AAK1: variants seen among roughly 807,000 people sequenced by gnomAD.
AAK1 encodes the protein AP2 associated kinase 1, also known as AP2-associated protein kinase 1.
AAK1 carries 37 observed loss-of-function variants against 116.0 expected under a neutral mutation model. That is an observed-to-expected ratio of 0.32 (90% confidence interval 0.25 to 0.42). AAK1 has a LOEUF of 0.42. AAK1 is among the 10% of genes least tolerant of loss of function. The pLI, the probability that AAK1 is intolerant of heterozygous loss-of-function variation, is 1.00. For missense variants in AAK1, 919 were observed against 1,170.6 expected, an observed-to-expected ratio of 0.79 and a Z score of 3.14; for synonymous variants, 458 against 439.9, an observed-to-expected ratio of 1.04 and a Z score of -0.51.
At chr2:69,484,558 C>T (rs1023415043) in intron 17 of AAK1, among the ~76,000 whole-genome samples, 3 of 152,070 alleles carry the variant, frequency 2.0e-5, no homozygotes, top group East Asian at 1.9e-4. Context: ...TTTGGGAGGC[C>T]GAGGTGGGTG....
At chr2:69,560,028 A>T (rs1248126472) in intron 2 of AAK1, among the ~76,000 whole-genome samples, 3 of 152,226 alleles carry the variant, frequency 2.0e-5, no homozygotes, top group Non-Finnish European at 4.4e-5. Context: ...ACCATGATAA[A>T]TCTAAAAGCA....
chr2:69,476,589 A>T (rs1165451798), intron 21 of AAK1, among the ~76,000 whole-genome samples: 1 of 152,206 alleles, frequency 6.6e-6, no homozygotes, highest in Non-Finnish European at 1.5e-5. Flanking sequence ...TGTGCTTTTG[A>T]TATATACCTT....
chr2:69,459,419 A>G lies in AAK1; in HGVS notation c.*16450T>C, dbSNP rs1308018844. On this transcript the variant is annotated 3_prime_UTR_variant, in exon 22 of 22. Transcript: ENST00000409085. ...GCTGGGACTACAGGTGTGCACCACC[A>G]TGCCTGGCTAATTTTTGTATTTTTT... 1 of 152,340 alleles carries G rather than the reference A, an allele frequency of 6.6e-6. No homozygotes were observed. The highest frequency in any genetic ancestry group is 1.5e-5 in the Non-Finnish European group (1 of 68,232). The allele number at this position is 152,340 out of a possible 1,614,324, so 9.4% of individuals were successfully genotyped here. A position where few individuals can be genotyped will look rare whatever the true frequency, so the allele number is the denominator to read the frequency against.
chr2:69,467,531 T>A lies in AAK1; in HGVS notation c.*8338A>T. On this transcript the variant is annotated 3_prime_UTR_variant, in exon 22 of 22. Transcript: ENST00000409085. ...AATCCAGAGAAAGGGTGGTTGGGGG[T>A]AAAGGTATCATTTCATCATGGGCTC... 4 of 985,280 alleles carry A rather than the reference T, an allele frequency of 4.1e-6. No homozygotes were observed. The highest frequency in any genetic ancestry group is 4.8e-6 in the Non-Finnish European group (4 of 829,880). 61.0% of individuals were successfully genotyped at this position (985,280 alleles called of 1,614,324 possible). A position where few individuals can be genotyped will look rare whatever the true frequency, so the allele number is the denominator to read the frequency against.
chr2:69,608,698 G>C lies in AAK1; in HGVS notation c.163+34180C>G, dbSNP rs568853805. ...TGTCAGAAGACAAAAATGAGGTAGA[G>C]ATTAATTTTAACACAGGACAGAGAA... On this transcript the variant is annotated intron_variant, in intron 2 of 21. Coordinates refer to ENST00000409085, the MANE Select transcript of AAK1 (RefSeq NM_014911.5). 2.0e-5 allele frequency among the ~76,000 whole-genome samples: 3 copies of C among 152,272 alleles called. No homozygotes were observed. In the East Asian group the frequency reaches 5.8e-4, roughly 29 times the overall value.
At chr2:69,625,083 T>A (rs1674835220) in intron 2 of AAK1, among the ~76,000 whole-genome samples, 1 of 152,212 alleles carries the variant, frequency 6.6e-6, no homozygotes, top group African/African-American at 2.4e-5. Flanking sequence ...TTATAGAATG[T>A]GAGACATAAA....
intron 2 of AAK1, among the ~76,000 whole-genome samples, chr2:69,561,887 T>C (rs953831222): frequency 6.6e-6 from 1 of 152,272 alleles, no homozygotes; most frequent in African/African-American, 2.4e-5. Context: ...ATAACATTTC[T>C]GAGATTCATC....
intron 5 of AAK1, among the ~76,000 whole-genome samples, chr2:69,539,500 C>G (rs1300157014): frequency 6.6e-6 from 1 of 152,218 alleles, no homozygotes; most frequent in Non-Finnish European, 1.5e-5. Flanking sequence ...CTATGCCTCT[C>G]ACACTCTTCT....
intron 2 of AAK1, among the ~76,000 whole-genome samples, chr2:69,607,015 G>A (rs10193159): frequency 0.12 from 16,644 of 133,438 alleles, 2,222 homozygotes; most frequent in African/African-American, 0.33. Context: ...GCAGTGAGCC[G>A]AGATCACACA....
intron 2 of AAK1, among the ~76,000 whole-genome samples, chr2:69,579,345 C>T (rs542689563): frequency 1.3e-5 from 2 of 152,140 alleles, no homozygotes; most frequent in East Asian, 1.9e-4. Context: ...TTTGGGAGGC[C>T]GAGGTGGGAG....
At position 69,608,184 on chromosome 2, in the gene AAK1, CT is replaced by C. The variant is rs551930784; in HGVS notation, c.163+34693del. On this transcript the variant is annotated intron_variant, in intron 2 of 21. Coordinates refer to ENST00000409085, the MANE Select transcript of AAK1 (RefSeq NM_014911.5). ...AGCACCTGCAGGACACAAAAGAAGG[CT>C]AGGGCAGCAGGCACAGAACTCCTAC... 2.5e-3 allele frequency among the ~76,000 whole-genome samples: 377 copies of C among 152,270 alleles called. 2 individuals carry two copies. The highest frequency in any genetic ancestry group is 8.4e-3 in the African/African-American group (348 of 41,556).
At chr2:69,641,843 G>A (rs1417135562) in intron 2 of AAK1, among the ~76,000 whole-genome samples, 3 of 152,130 alleles carry the variant, frequency 2.0e-5, no homozygotes. Flanking sequence ...CAGTAAGAGA[G>A]ACCTCTCCCT....
intron 3 of AAK1, among the ~76,000 whole-genome samples, chr2:69,552,178 A>G (rs1384916492): frequency 6.6e-6 from 1 of 152,198 alleles, no homozygotes; most frequent in Non-Finnish European, 1.5e-5. Flanking sequence ...AATTCAGTCC[A>G]TTTTAAAACT....
chr2:69,522,770 C>T (rs1382608784), intron 10 of AAK1, among the ~76,000 whole-genome samples: 1 of 150,924 alleles, frequency 6.6e-6, no homozygotes, highest in Non-Finnish European at 1.5e-5. Context: ...CGCCACTGCA[C>T]TCCACCCTGG....
At chr2:69,491,892 T>C (rs1675536486) in intron 17 of AAK1, among the ~76,000 whole-genome samples, 1 of 152,212 alleles carries the variant, frequency 6.6e-6, no homozygotes, top group South Asian at 2.1e-4. Context: ...TTCAGATCTA[T>C]TTTTATATTT....
At chr2:69,509,541 C>T (rs992515770) in intron 13 of AAK1, 81 bp from the exon 14 acceptor site, 1 of 1,244,382 alleles carries the variant, frequency 8.0e-7, no homozygotes, top group Admixed American at 2.7e-5. Flanking sequence ...AGTGTAACAA[C>T]AACAACAAAA....
At chr2:69,579,166 T>G (rs1447557674) in intron 2 of AAK1, among the ~76,000 whole-genome samples, 7 of 152,176 alleles carry the variant, frequency 4.6e-5, no homozygotes, top group Non-Finnish European at 8.8e-5. Context: ...AAACCTCTTA[T>G]GAAGTAGATT....
rs1227689179 is a variant in AAK1 at position 69,466,738 on chromosome 2, G to A, written c.*9131C>T. ...ACAAACTGGAACACAATCAACCACT[G>A]TCTCACGTTTTGGAACATGATAGGC... On this transcript the variant is annotated 3_prime_UTR_variant, in exon 22 of 22. Coordinates refer to ENST00000409085, the MANE Select transcript of AAK1 (RefSeq NM_014911.5). 2.0e-6 allele frequency: 2 copies of A among 985,280 alleles called. No individual in the cohort carries two copies. Among genetic ancestry groups the A allele is most frequent in the African/African-American group, 3.5e-5 (2 of 57,224 alleles). 61.0% of individuals were successfully genotyped at this position (985,280 alleles called of 1,614,324 possible). A position where few individuals can be genotyped will look rare whatever the true frequency, so the allele number is the denominator to read the frequency against.
In AAK1 at chr2:69,468,596, A is replaced by C; in HGVS notation, c.*7273T>G. Reference sequence around the variant, plus strand: ...CCAGTGACCAACTCTGGCATCATACAGGTCAATAATCCAATGAACACTAGT... The same window carrying C: ...CCAGTGACCAACTCTGGCATCATACCGGTCAATAATCCAATGAACACTAGT... On this transcript the variant is annotated 3_prime_UTR_variant, in exon 22 of 22. Transcript: ENST00000409085. 1.0e-6 allele frequency: 1 copy of C among 985,456 alleles called. No individual in the cohort carries two copies. The highest frequency in any genetic ancestry group is 5.2e-4 in the Middle Eastern group (1 of 1,914). 61.0% of individuals were successfully genotyped at this position (985,456 alleles called of 1,614,324 possible). A position where few individuals can be genotyped will look rare whatever the true frequency, so the allele number is the denominator to read the frequency against.
Sources: allele counts gnomAD v4.1 joint callset (sites outside exome capture counted in the v4.1 genomes callset), GRCh38; gene constraint gnomAD v4.1.1; transcripts MANE v1.5; gene names NCBI Gene and HGNC (gene_info 2026-07-23, HGNC 2026-07-21).